Variants in RGS9 observed in about 807,000 individuals in gnomAD.
RGS9 encodes regulator of G protein signaling 9.
A neutral mutation model predicts 102.0 loss-of-function variants in RGS9; 78 were observed. The ratio of observed to expected loss-of-function variants is 0.76; its 90% CI spans 0.64 to 0.92. The LOEUF is 0.92. RGS9 is among the 40% of genes least tolerant of loss of function. The pLI is 0.00. For missense variants in RGS9, 833 were observed against 866.1 expected (o/e 0.96, Z 0.48); for synonymous variants, 353 against 318.6 (o/e 1.11, Z -1.15).
chr17:65,165,739 T>A (rs769386310), intron 7 of RGS9, among the ~76,000 whole-genome samples: 1 of 152,152 alleles, frequency 6.6e-6, no homozygotes, highest in African/African-American at 2.4e-5. Context: ...TTTCTCCCCA[T>A]GTTTGAAACA....
At chr17:65,187,749 G>T (rs987153676) in intron 9 of RGS9, among the ~76,000 whole-genome samples, 33 of 152,358 alleles carry the variant, frequency 2.2e-4, no homozygotes, top group African/African-American at 7.5e-4. Flanking sequence ...TGTAATCCCA[G>T]CACTTTCGGA....
chr17:65,180,340 T>C (rs2144042043), intron 9 of RGS9, among the ~76,000 whole-genome samples: 1 of 152,030 alleles, frequency 6.6e-6, no homozygotes, highest in East Asian at 1.9e-4. Flanking sequence ...TCCTTCTTTC[T>C]TTTTTTCTTT....
In RGS9 at chr17:65,227,525, A is replaced by G. The variant is rs73994769; in HGVS notation, c.*118A>G. On this transcript the variant is annotated 3_prime_UTR_variant, in exon 19 of 19. Transcript: ENST00000262406. ...CAAAGTGCATTTGGGTGACATTTGA[A>G]GATTGGGGAGACAAGATGGGGTAGA... 0.015 allele frequency: 20,926 copies of G among 1,368,158 alleles called. 2,514 individuals are homozygous for G. In the African/African-American group the frequency reaches 0.26, roughly 17 times the overall value. 84.8% of individuals were successfully genotyped at this position (1,368,158 alleles called of 1,614,324 possible).
intron 17 of RGS9, among the ~76,000 whole-genome samples, chr17:65,217,347 A>T (rs932402816): frequency 6.6e-6 from 1 of 152,182 alleles, no homozygotes; most frequent in African/African-American, 2.4e-5. Flanking sequence ...TGAACAAAAA[A>T]CCAGACCTTT....
intron 1 of RGS9, among the ~76,000 whole-genome samples, chr17:65,151,540 A>G (rs986094205): frequency 3.9e-5 from 6 of 152,292 alleles, no homozygotes; most frequent in Non-Finnish European, 7.4e-5. Context: ...CCTGACATTC[A>G]TGGCTCTAAT....
In RGS9 at chr17:65,160,877, A is replaced by C. The variant is rs1042582478; in HGVS notation, c.391A>C (p.Lys131Gln). The change falls in exon 6 of 19, where the codon AAA becomes CAA. Residue 131 changes from lysine to glutamine, a missense_variant. This residue lies in a region of RGS9 where 328 missense variants were observed against 340.6 expected (regional missense o/e 0.96). Transcript: ENST00000262406. ...CATCTATCTGGCCAAGCGAAATATC[A>C]AAAAGAAAGGGATTTTGGAAGAATA... ...YAIYLAKRNI[K>Q]KKGILEEYEK... 1 of 1,613,890 alleles carries C rather than the reference A, an allele frequency of 6.2e-7. No individual in the cohort carries two copies. Among genetic ancestry groups the C allele is most frequent in the African/African-American group, 1.3e-5 (1 of 74,924 alleles).
intron 8 of RGS9, among the ~76,000 whole-genome samples, chr17:65,176,542 C>T (rs1330235632): frequency 1.3e-5 from 2 of 152,196 alleles, no homozygotes; most frequent in Non-Finnish European, 2.9e-5. Flanking sequence ...AAGCACTGCT[C>T]TGTCACTTCA....
At chr17:65,162,366 A>G (rs1911017406) in intron 6 of RGS9, among the ~76,000 whole-genome samples, 1 of 152,150 alleles carries the variant, frequency 6.6e-6, no homozygotes, top group African/African-American at 2.4e-5. Flanking sequence ...TGGGCAACAC[A>G]GTGAGACACT....
In RGS9 at chr17:65,208,038, C is replaced by T. The variant is rs149298690; in HGVS notation, c.1289+31C>T. 49 of 1,458,624 alleles carry T rather than the reference C, an allele frequency of 3.4e-5. No individual in the cohort carries two copies. In the Middle Eastern group the frequency reaches 8.7e-4, roughly 26 times the overall value. 90.4% of individuals were successfully genotyped at this position (1,458,624 alleles called of 1,614,324 possible). ...TGGAATTATCTGTAATTGCTGGCTG[C>T]CTGCTGCTTAGTTTACAGAGAAGTG... is the stretch of plus-strand genomic sequence containing the variant. On this transcript the variant is annotated intron_variant, in intron 16 of 18. Transcript: ENST00000262406.
chr17:65,163,347 T>TTTA (rs1237782947), intron 7 of RGS9, among the ~76,000 whole-genome samples: 2 of 151,158 alleles, frequency 1.3e-5, no homozygotes, highest in Non-Finnish European at 2.9e-5. Context: ...CTAATTTTTA[T>TTTA]TTATTATTAT....
intron 8 of RGS9, among the ~76,000 whole-genome samples, chr17:65,168,597 A>G (rs566799572): frequency 2.1e-5 from 3 of 142,352 alleles, no homozygotes; most frequent in Admixed American, 1.5e-4. Flanking sequence ...GGAAAGGAAT[A>G]TAAGGAGAAA....
At chr17:65,215,489 G>GTTCGTTCTTTCTTTCT (rs1491517554) in intron 17 of RGS9, among the ~76,000 whole-genome samples, 103 of 116,166 alleles carry the variant, frequency 8.9e-4, no homozygotes, top group Middle Eastern at 4.9e-3. Flanking sequence ...TCTTTCTTTC[G>GTTCGTTCTTTCTTTCT]TTCTTTCGTT....
chr17:65,160,861 G>C lies in RGS9; in HGVS notation c.375G>C (p.Leu125=), dbSNP rs1372302076. The C allele has an allele frequency of 6.2e-7, 1 of 1,613,828 alleles. No homozygotes were observed. Among genetic ancestry groups the C allele is most frequent in the African/African-American group, 1.3e-5 (1 of 74,908 alleles). The change falls in exon 6 of 19, where the codon CTG becomes CTC. Residue 125 remains leucine (L), a synonymous_variant. Coordinates refer to ENST00000262406, the MANE Select transcript of RGS9 (RefSeq NM_003835.4). ...PAEDTDYAIY[L]AKRNIKKKGI... ...TGCTTTCTTTTCCAGCCATCTATCTGGCCAAGCGAAATATCAAAAAGAAAG... is the reference window on the plus strand; with the variant it reads ...TGCTTTCTTTTCCAGCCATCTATCTCGCCAAGCGAAATATCAAAAAGAAAG...
intron 13 of RGS9, among the ~76,000 whole-genome samples, chr17:65,199,191 G>A (rs1207120297): frequency 6.6e-6 from 1 of 152,148 alleles, no homozygotes; most frequent in Non-Finnish European, 1.5e-5. Flanking sequence ...TTTTAAAAGT[G>A]TACAATTCAG....
rs80080960 is a variant in RGS9 at position 65,189,112 on chromosome 17, C to A, written c.655-174C>A. The stretch of plus-strand genomic sequence containing the variant: ...AAATCTCTTGCTTGGTATTTATTCC[C>A]CAGGGGTTACATAGAATAGAGTGGA... On this transcript the variant is annotated intron_variant, in intron 9 of 18. Coordinates refer to ENST00000262406, the MANE Select transcript of RGS9 (RefSeq NM_003835.4). 2.8e-3 allele frequency: 1,742 copies of A among 628,458 alleles called. 19 individuals carry two copies. The African/African-American group carries it at 0.029, about 11-fold the overall frequency. 38.9% of individuals were successfully genotyped at this position (628,458 alleles called of 1,614,324 possible).
At chr17:65,176,182 A>G (rs890644859) in intron 8 of RGS9, among the ~76,000 whole-genome samples, 7 of 152,204 alleles carry the variant, frequency 4.6e-5, no homozygotes, top group South Asian at 4.1e-4. Context: ...GGTCTCAAAG[A>G]GTCAAGGAGT....
intron 12 of RGS9, among the ~76,000 whole-genome samples, chr17:65,195,100 T>G (rs556037150): frequency 1.8e-4 from 28 of 152,318 alleles, no homozygotes; most frequent in African/African-American, 6.3e-4. Context: ...GGTGCTTCTC[T>G]GCAGCCCATG....
chr17:65,193,251 T>A (rs2144071468), intron 11 of RGS9, among the ~76,000 whole-genome samples: 1 of 130,718 alleles, frequency 7.7e-6, no homozygotes, highest in Non-Finnish European at 1.6e-5. Context: ...AGCTTGGCTG[T>A]CTCAAAAAAA....
intron 14 of RGS9, 63 bp downstream of exon 14, chr17:65,202,143 C>A: frequency 8.7e-7 from 1 of 1,148,774 alleles, no homozygotes; most frequent in Non-Finnish European, 1.3e-6. Context: ...CCCCATTGTG[C>A]TTGAGGTGAA....
Sources: gnomAD v4.1 joint callset for allele counts (sites outside exome capture counted in the v4.1 genomes callset) on GRCh38, gnomAD v4.1.1 for gene constraint, gnomAD v4.1.1 regional missense constraint, MANE v1.5 for transcripts, NCBI Gene and HGNC (gene_info 2026-07-23, HGNC 2026-07-21) for gene names.